The following UGT1A9 variants were observed in gnomAD, a reference collection of about 807,000 sequenced individuals.
UGT1A9 encodes the protein UDP glucuronosyltransferase family 1 member A9.
UGT1A9 carries 35 observed loss-of-function variants against 45.0 expected under a neutral mutation model. The observed-to-expected ratio is 0.78, with a 90% CI of 0.59 to 1.03. UGT1A9 has a LOEUF of 1.03. UGT1A9 is among the 50% of genes least tolerant of loss of function. The pLI, the probability that UGT1A9 is intolerant of heterozygous loss-of-function variation, is 0.00. For synonymous variants in UGT1A9, 278 were observed against 250.6 expected, an observed-to-expected ratio of 1.11 and a Z score of -1.03; for missense variants, 687 against 666.6, an observed-to-expected ratio of 1.03 and a Z score of -0.34.
intron 1 of UGT1A9, chr2:233,693,966 T>C: frequency 6.3e-7 from 1 of 1,574,826 alleles, no homozygotes. Context: ...GAGGATTTCC[T>C]GGAGAAACGG....
intron 1 of UGT1A9, among the ~76,000 whole-genome samples, chr2:233,749,698 G>A (rs1694252344): frequency 6.6e-6 from 1 of 151,854 alleles, no homozygotes; most frequent in Non-Finnish European, 1.5e-5. Flanking sequence ...TCTGGTGGGA[G>A]GTGATTGGAT....
At chr2:233,742,942 C>G (rs1321055603) in intron 1 of UGT1A9, 1 of 213,758 alleles carries the variant, frequency 4.7e-6, no homozygotes, top group South Asian at 7.7e-5. Context: ...TGTCCTACCA[C>G]TAGCAAATAA....
chr2:233,690,426 A>G, intron 1 of UGT1A9: 1 of 1,251,390 alleles, frequency 8.0e-7, no homozygotes, highest in South Asian at 1.3e-5. Context: ...CTTCATGCAC[A>G]TCTTTGGGTC....
At chr2:233,699,919 G>A (rs2075532229) in intron 1 of UGT1A9, among the ~76,000 whole-genome samples, 2 of 152,196 alleles carry the variant, frequency 1.3e-5, no homozygotes, top group Non-Finnish European at 2.9e-5. Context: ...TATACGTAGA[G>A]GCCAAGGATG....
At chr2:233,737,982 G>T (rs1690650423) in intron 1 of UGT1A9, among the ~76,000 whole-genome samples, 2 of 151,994 alleles carry the variant, frequency 1.3e-5, no homozygotes, top group South Asian at 4.2e-4. Flanking sequence ...AATATGGTTT[G>T]GCTCTGTGTC....
intron 1 of UGT1A9, among the ~76,000 whole-genome samples, chr2:233,678,059 A>G (rs1300962780): frequency 6.6e-6 from 1 of 152,236 alleles, no homozygotes; most frequent in Non-Finnish European, 1.5e-5. Context: ...AAGGGAATAT[A>G]TACAGGCACA....
In UGT1A9 at chr2:233,719,639, G is replaced by A. The variant is rs771839689; in HGVS notation, c.855+46850G>A. The A allele has an allele frequency of 2.5e-6, 4 of 1,614,048 alleles. No individual in the cohort carries two copies. In the Admixed American group the frequency reaches 6.7e-5, roughly 27 times the overall value. ...ACCCCAGGCCGATCATGCCCAACAT[G>A]GTCTTCATTGGGGGCATCAACTGTG... On this transcript the variant is annotated intron_variant, in intron 1 of 4. Coordinates refer to ENST00000354728, the MANE Select transcript of UGT1A9 (RefSeq NM_021027.3).
intron 1 of UGT1A9, among the ~76,000 whole-genome samples, chr2:233,716,306 C>A (rs1005131476): frequency 6.6e-6 from 1 of 152,218 alleles, no homozygotes; most frequent in African/African-American, 2.4e-5. Context: ...AAAGTCTCTT[C>A]CACCTGTAAT....
At chr2:233,732,951 G>A (rs1167941280) in intron 1 of UGT1A9, among the ~76,000 whole-genome samples, 3 of 152,104 alleles carry the variant, frequency 2.0e-5, no homozygotes, top group Admixed American at 6.5e-5. Context: ...AGCATGGAAT[G>A]TTCTTCCATT....
At chr2:233,690,645 A>T in intron 1 of UGT1A9, 1 of 1,286,952 alleles carries the variant, frequency 7.8e-7, no homozygotes, top group East Asian at 5.6e-5. Flanking sequence ...GGACACCTTG[A>T]CTCCTACAGC....
At chr2:233,703,892 T>A (rs1430285411) in intron 1 of UGT1A9, among the ~76,000 whole-genome samples, 1 of 152,058 alleles carries the variant, frequency 6.6e-6, no homozygotes, top group Non-Finnish European at 1.5e-5. Context: ...ATCATTTTTT[T>A]CTTTTCTTTT....
chr2:233,752,593 T>C (rs896301003), intron 1 of UGT1A9: 3 of 152,046 alleles, frequency 2.0e-5, no homozygotes, highest in African/African-American at 7.2e-5. Flanking sequence ...CTCTACAAGA[T>C]TTTTTTTAAA....
chr2:233,741,876 G>A (rs1319262823), intron 1 of UGT1A9: 1 of 151,830 alleles, frequency 6.6e-6, no homozygotes, highest in African/African-American at 2.4e-5. Context: ...TTCCTCAGAG[G>A]TGACCCTAGA....
At chr2:233,757,062 G>T (rs1469367274) in intron 1 of UGT1A9, among the ~76,000 whole-genome samples, 1 of 151,518 alleles carries the variant, frequency 6.6e-6, no homozygotes, top group African/African-American at 2.4e-5. Flanking sequence ...GAACAGCAAG[G>T]GATCCAGAAT....
chr2:233,688,400 A>G (rs2074892295), intron 1 of UGT1A9, among the ~76,000 whole-genome samples: 1 of 152,170 alleles, frequency 6.6e-6, no homozygotes, highest in Non-Finnish European at 1.5e-5. Flanking sequence ...TGATGTTCTA[A>G]TTTTCGAGCC....
chr2:233,733,853 T>C (rs2078444746), intron 1 of UGT1A9, among the ~76,000 whole-genome samples: 1 of 152,132 alleles, frequency 6.6e-6, no homozygotes, highest in South Asian at 2.1e-4. Flanking sequence ...TCTTTTTCTA[T>C]TGATTGGAAT....
chr2:233,699,790 CT>C (rs1163092717), intron 1 of UGT1A9, among the ~76,000 whole-genome samples: 4 of 152,194 alleles, frequency 2.6e-5, no homozygotes, highest in African/African-American at 9.7e-5. Flanking sequence ...GTTTCCTCCT[CT>C]CATATTCTGG....
chr2:233,755,963 C>T (rs557149138), intron 1 of UGT1A9: 1 of 152,200 alleles, frequency 6.6e-6, no homozygotes, highest in South Asian at 2.1e-4. Flanking sequence ...GTACTTGGCT[C>T]TATAGAGAGG....
In UGT1A9 at chr2:233,681,960, G is replaced by T. The variant is rs2074547389; in HGVS notation, c.855+9171G>T. 7 of 1,613,878 alleles carry T rather than the reference G, an allele frequency of 4.3e-6. No individual in the cohort carries two copies. In the East Asian group the frequency reaches 1.3e-4, roughly 31 times the overall value. On this transcript the variant is annotated intron_variant, in intron 1 of 4. Transcript: ENST00000354728. The stretch of plus-strand genomic sequence containing the variant: ...CTGATGGCTCGTGCAGGGTGGACTG[G>T]CCTCCTTCCCCTATATGTGTGTCTA...
Sources: gnomAD v4.1 joint callset for allele counts (sites outside exome capture counted in the v4.1 genomes callset) on GRCh38, gnomAD v4.1.1 for gene constraint, MANE v1.5 for transcripts, NCBI Gene and HGNC (gene_info 2026-07-23, HGNC 2026-07-21) for gene names.